The following GMDS variants were observed in gnomAD, a reference collection of about 807,000 sequenced individuals.
GMDS encodes GDP-mannose 4,6 dehydratase.
GMDS carries 20 observed loss-of-function variants against 49.9 expected under a neutral mutation model. The observed-to-expected ratio is 0.40, with a 90% confidence interval of 0.28 to 0.58. The LOEUF is 0.58. Among genes scored for constraint, GMDS ranks in the 20% least tolerant of loss-of-function variants. The probability of loss-of-function intolerance (pLI) is 0.42; values close to 1 mark genes in which losing one functional copy is unlikely to be tolerated. For synonymous variants in GMDS, 177 were observed against 178.6 expected, an observed-to-expected ratio of 0.99 and a Z score of 0.07; for missense variants, 362 against 481.4, an observed-to-expected ratio of 0.75 and a Z score of 2.32.
At chr6:2,001,937 C>T (rs1169367809) in intron 4 of GMDS, among the ~76,000 whole-genome samples, 2 of 152,126 alleles carry the variant, frequency 1.3e-5, no homozygotes, top group Non-Finnish European at 2.9e-5. Context: ...TATTTAAATA[C>T]ATTCACTATT....
intron 1 of GMDS, among the ~76,000 whole-genome samples, chr6:2,203,949 G>T (rs1401674783): frequency 6.6e-6 from 1 of 152,154 alleles, no homozygotes; most frequent in African/African-American, 2.4e-5. Context: ...ATTGAGGGTG[G>T]GAGGGTGTGA....
chr6:1,907,228 G>A (rs553680284), intron 7 of GMDS, among the ~76,000 whole-genome samples: 154 of 152,232 alleles, frequency 1.0e-3, no homozygotes, highest in African/African-American at 3.3e-3. Context: ...AACTCAACAC[G>A]CATAGACTCT....
intron 7 of GMDS, among the ~76,000 whole-genome samples, chr6:1,786,749 A>G (rs542988264): frequency 4.4e-4 from 67 of 152,040 alleles, no homozygotes; most frequent in African/African-American, 1.5e-3. Context: ...TAAATGAGAC[A>G]GTTGTATAGC....
At chr6:2,002,785 A>C (rs1355012034) in intron 4 of GMDS, among the ~76,000 whole-genome samples, 1 of 152,204 alleles carries the variant, frequency 6.6e-6, no homozygotes, top group Non-Finnish European at 1.5e-5. Context: ...ATCTACTGTT[A>C]AATCTCTAGT....
At chr6:1,919,124 G>A (rs1761577346) in intron 7 of GMDS, among the ~76,000 whole-genome samples, 1 of 152,182 alleles carries the variant, frequency 6.6e-6, no homozygotes, top group South Asian at 2.1e-4. Context: ...CATCTGTTAT[G>A]TGCCAGGCAT....
chr6:2,210,153 A>G (rs1780000708), intron 1 of GMDS, among the ~76,000 whole-genome samples: 1 of 152,174 alleles, frequency 6.6e-6, no homozygotes, highest in Non-Finnish European at 1.5e-5. Context: ...TCAAAAATCT[A>G]TTTCCTACTT....
chr6:1,691,427 G>C (rs1265025145), intron 9 of GMDS, among the ~76,000 whole-genome samples: 1 of 151,996 alleles, frequency 6.6e-6, no homozygotes, highest in Non-Finnish European at 1.5e-5. Context: ...TTAGGTGATG[G>C]GTTGACAGGT....
At chr6:2,237,231 A>G (rs1011071719) in intron 1 of GMDS, among the ~76,000 whole-genome samples, 5 of 152,222 alleles carry the variant, frequency 3.3e-5, no homozygotes, top group Non-Finnish European at 5.9e-5. Flanking sequence ...TTGGGTTACT[A>G]CTTATGGTAA....
At chr6:1,659,076 G>T (rs1257967574) in intron 9 of GMDS, among the ~76,000 whole-genome samples, 1 of 152,218 alleles carries the variant, frequency 6.6e-6, no homozygotes, top group Non-Finnish European at 1.5e-5. Context: ...TGAACCATGG[G>T]CCTCTGTGGG....
intron 7 of GMDS, among the ~76,000 whole-genome samples, chr6:1,892,529 T>G (rs1054854117): frequency 1.3e-5 from 2 of 152,122 alleles, no homozygotes; most frequent in South Asian, 2.1e-4. Flanking sequence ...TGGCTAATTT[T>G]TGTATTTTTA....
rs1343012658 is a variant in GMDS at position 1,627,226 on chromosome 6, T to C, written c.988-2686A>G. Among the ~76,000 whole-genome samples the C allele has an allele frequency of 2.0e-5, 3 of 152,248 alleles. No homozygotes were observed. The East Asian group carries it at 5.8e-4, about 29-fold the overall frequency. ...AACTGTTCCTGAAGGAATTTCTTAC[T>C]TCTTCCCATTGTGTCATTTATAGAA... On this transcript the variant is annotated intron_variant, in intron 9 of 10. Coordinates refer to ENST00000380815, the MANE Select transcript of GMDS (RefSeq NM_001500.4).
chr6:2,113,742 C>T (rs950488990), intron 4 of GMDS, among the ~76,000 whole-genome samples: 1 of 152,004 alleles, frequency 6.6e-6, no homozygotes, highest in East Asian at 1.9e-4. Flanking sequence ...AGAGTTGAAA[C>T]CCCCACAGCA....
intron 7 of GMDS, among the ~76,000 whole-genome samples, chr6:1,825,217 G>A (rs1397381499): frequency 6.6e-6 from 1 of 152,210 alleles, no homozygotes; most frequent in Non-Finnish European, 1.5e-5. Context: ...GATCGCTGAT[G>A]ACGTTTAACT....
intron 9 of GMDS, among the ~76,000 whole-genome samples, chr6:1,658,014 T>C (rs1763944606): frequency 6.6e-6 from 1 of 152,224 alleles, no homozygotes; most frequent in African/African-American, 2.4e-5. Context: ...TTCTGGAGCA[T>C]TCTCTTGGAA....
At chr6:1,770,775 T>C (rs1768549110) in intron 7 of GMDS, among the ~76,000 whole-genome samples, 1 of 152,310 alleles carries the variant, frequency 6.6e-6, no homozygotes, top group South Asian at 2.1e-4. Context: ...TTAATGAGGA[T>C]AGAAGATCAC....
At chr6:1,706,883 T>C (rs1423275080) in intron 9 of GMDS, among the ~76,000 whole-genome samples, 2 of 152,196 alleles carry the variant, frequency 1.3e-5, no homozygotes, top group Non-Finnish European at 2.9e-5. Flanking sequence ...AGTTATCCCC[T>C]ATGGTTGGAC....
chr6:1,658,230 G>A (rs1763954180), intron 9 of GMDS, among the ~76,000 whole-genome samples: 1 of 152,210 alleles, frequency 6.6e-6, no homozygotes. Flanking sequence ...CTCTTCACCG[G>A]GATTGGGATG....
intron 7 of GMDS, among the ~76,000 whole-genome samples, chr6:1,787,113 A>T (rs1769356587): frequency 6.6e-6 from 1 of 152,214 alleles, no homozygotes; most frequent in African/African-American, 2.4e-5. Flanking sequence ...CATTTACTGC[A>T]TGTTTTTGGG....
At chr6:1,875,611 T>C (rs1418918940) in intron 7 of GMDS, among the ~76,000 whole-genome samples, 1 of 152,192 alleles carries the variant, frequency 6.6e-6, no homozygotes, top group Non-Finnish European at 1.5e-5. Context: ...ATCTTGTATG[T>C]CAAGATGTTT....
Sources: gnomAD v4.1 joint callset for allele counts (sites outside exome capture counted in the v4.1 genomes callset) on GRCh38, gnomAD v4.1.1 for gene constraint, MANE v1.5 for transcripts, NCBI Gene and HGNC (gene_info 2026-07-23, HGNC 2026-07-21) for gene names.